Variants in KIF2A observed in about 807,000 individuals in gnomAD.
KIF2A encodes kinesin family member 2A.
KIF2A carries 22 observed loss-of-function variants against 100.2 expected under a neutral mutation model. The ratio of observed to expected loss-of-function variants is 0.22; its 90% CI spans 0.16 to 0.31. The LOEUF (loss-of-function observed/expected upper bound fraction) is 0.31, where lower values mean the gene tolerates loss of function less well. Among genes scored for constraint, KIF2A ranks in the 10% least tolerant of loss-of-function variants. The pLI is 1.00. For missense variants in KIF2A, 495 were observed against 898.7 expected (o/e 0.55, Z 5.74); for synonymous variants, 268 against 285.9 (o/e 0.94, Z 0.63).
At chr5:62,361,683 C>A (rs1319425347) in intron 11 of KIF2A, among the ~76,000 whole-genome samples, 154 bp downstream of exon 11, 2 of 150,980 alleles carry the variant, frequency 1.3e-5, no homozygotes, top group African/African-American at 4.9e-5. Flanking sequence ...TTGAAAAGAA[C>A]TATAAGATTA....
intron 1 of KIF2A, among the ~76,000 whole-genome samples, chr5:62,316,390 T>C (rs1309443191): frequency 2.0e-5 from 3 of 152,238 alleles, no homozygotes; most frequent in Admixed American, 2.0e-4. Flanking sequence ...TCTTTGCTCT[T>C]ACTTTTGGCC....
chr5:62,339,225 C>T (rs1426848989), intron 1 of KIF2A, among the ~76,000 whole-genome samples: 2 of 152,056 alleles, frequency 1.3e-5, no homozygotes, highest in Admixed American at 6.6e-5. Context: ...GGAGATGCCA[C>T]ACACTTTTAA....
Position 62,377,368 on chromosome 5 carries a change from A to C in KIF2A, c.1912-293A>C, listed in dbSNP as rs79555010. On this transcript the variant is annotated intron_variant, in intron 18 of 20. Transcript: ENST00000407818. ...GCCTGCAATAACTGTATTTTTGAAA[A>C]GTTGGGCTGTTCCAAAAGAGAGTAC... 6.7e-3 allele frequency among the ~76,000 whole-genome samples: 1,023 copies of C among 152,320 alleles called. 19 individuals carry two copies. Among genetic ancestry groups the C allele is most frequent in the African/African-American group, 0.024 (979 of 41,572 alleles).
intron 18 of KIF2A, among the ~76,000 whole-genome samples, chr5:62,375,055 G>T (rs1013801184): frequency 2.0e-5 from 3 of 152,076 alleles, no homozygotes; most frequent in East Asian, 3.8e-4. Context: ...TTGCTTTTCT[G>T]TATGATTAAA....
chr5:62,310,603 TC>T (rs1745512240), intron 1 of KIF2A, among the ~76,000 whole-genome samples: 3 of 150,882 alleles, frequency 2.0e-5, no homozygotes, highest in African/African-American at 7.5e-5. Context: ...GGCCTGTTAG[TC>T]AGGAACTACA....
At chr5:62,368,114 G>A (rs1741162877) in intron 16 of KIF2A, among the ~76,000 whole-genome samples, 1 of 152,064 alleles carries the variant, frequency 6.6e-6, no homozygotes, top group African/African-American at 2.4e-5. Context: ...AAAAACTCCT[G>A]TCATTGGTTT....
intron 1 of KIF2A, among the ~76,000 whole-genome samples, chr5:62,325,835 CAT>C (rs1746346683): frequency 6.6e-6 from 1 of 152,226 alleles, no homozygotes; most frequent in Admixed American, 6.5e-5. Flanking sequence ...GACCTGTACT[CAT>C]ATGTTCATTG....
rs61750333 is a variant in KIF2A at position 62,361,281 on chromosome 5, G to A, written c.912G>A (p.Arg304=). 6.2e-7 allele frequency: 1 copy of A among 1,608,280 alleles called. No homozygotes were observed. Among genetic ancestry groups the A allele is most frequent in the South Asian group, 1.1e-5 (1 of 90,050 alleles). The change falls in exon 10 of 21, where the codon AGG becomes AGA. Residue 304 remains arginine, a synonymous_variant. Coordinates refer to ENST00000407818, the MANE Select transcript of KIF2A (RefSeq NM_001098511.3). ...CACTAGTGGAAACTATATTTGAAAG[G>A]GGAATGGCTACATGCTTTGCTTATG... ...ARPLVETIFE[R]GMATCFAYGQ... is the part of the protein sequence containing the mutation.
At chr5:62,310,070 C>CTTTTTT (rs5868308) in intron 1 of KIF2A, among the ~76,000 whole-genome samples, 3 of 142,768 alleles carry the variant, frequency 2.1e-5, no homozygotes, top group East Asian at 2.1e-4. Context: ...ACTAATAATT[C>CTTTTTT]TTTTTTTTTT....
At chr5:62,343,966 T>C (rs1747424714) in intron 1 of KIF2A, among the ~76,000 whole-genome samples, 1 of 152,210 alleles carries the variant, frequency 6.6e-6, no homozygotes, top group Admixed American at 6.5e-5. Flanking sequence ...TAGTGATTAA[T>C]AGCAAGTACT....
At chr5:62,315,795 T>C (rs117137918) in intron 1 of KIF2A, among the ~76,000 whole-genome samples, 5 of 152,076 alleles carry the variant, frequency 3.3e-5, no homozygotes, top group African/African-American at 1.2e-4. Flanking sequence ...AGTGATAGAT[T>C]AGAGGGAGCA....
intron 1 of KIF2A, among the ~76,000 whole-genome samples, chr5:62,342,844 C>T (rs1192799351): frequency 6.6e-6 from 1 of 151,868 alleles, no homozygotes; most frequent in East Asian, 1.9e-4. Context: ...CCTCCACCTC[C>T]TGGGTTTAAG....
rs35699711 is a variant in KIF2A at position 62,350,043 on chromosome 5, A to G, written c.280-23A>G. The G allele has an allele frequency of 0.067, 101,849 of 1,531,432 alleles. 3,895 individuals carry two copies. The highest frequency in any genetic ancestry group is 0.12 in the East Asian group (5,166 of 43,678). 94.9% of individuals were successfully genotyped at this position (1,531,432 alleles called of 1,614,324 possible). On this transcript the variant is annotated intron_variant, in intron 3 of 20. Coordinates refer to ENST00000407818, the MANE Select transcript of KIF2A (RefSeq NM_001098511.3). ...TGAGGGAGTAAAGATAGAAAACATA[A>G]TGAACATTTTTTCCTTTCATAGAAT...
At chr5:62,309,780 C>A (rs1230615426) in intron 1 of KIF2A, among the ~76,000 whole-genome samples, 1 of 152,150 alleles carries the variant, frequency 6.6e-6, no homozygotes, top group East Asian at 1.9e-4. Flanking sequence ...ATAAACATAT[C>A]CCAAGGGCAA....
intron 1 of KIF2A, among the ~76,000 whole-genome samples, chr5:62,335,612 A>T (rs1051167030): frequency 6.6e-6 from 1 of 152,140 alleles, no homozygotes; most frequent in Non-Finnish European, 1.5e-5. Context: ...TGGGGATATA[A>T]ACGGGAACCT....
At chr5:62,308,065 A>G (rs1455410657) in intron 1 of KIF2A, among the ~76,000 whole-genome samples, 2 of 152,198 alleles carry the variant, frequency 1.3e-5, no homozygotes, top group African/African-American at 4.8e-5. Context: ...TGTGTGTATG[A>G]TATATTGGAA....
chr5:62,314,249 T>C (rs1745696033), intron 1 of KIF2A, among the ~76,000 whole-genome samples: 1 of 152,056 alleles, frequency 6.6e-6, no homozygotes, highest in African/African-American at 2.4e-5. Flanking sequence ...GGAGGATTGC[T>C]TGAAGCCAGG....
At chr5:62,348,799 A>G (rs1282300935) in intron 3 of KIF2A, among the ~76,000 whole-genome samples, 1 of 151,960 alleles carries the variant, frequency 6.6e-6, no homozygotes, top group African/African-American at 2.4e-5. Flanking sequence ...AAGTTGTTGA[A>G]TCTGCGGTTC....
chr5:62,352,250 A>G (rs1327517611), intron 4 of KIF2A, among the ~76,000 whole-genome samples: 1 of 151,980 alleles, frequency 6.6e-6, no homozygotes, highest in Non-Finnish European at 1.5e-5. Flanking sequence ...ATATACATAT[A>G]TATTTTGTTT....
Sources: allele counts gnomAD v4.1 joint callset (sites outside exome capture counted in the v4.1 genomes callset), GRCh38; gene constraint gnomAD v4.1.1; transcripts MANE v1.5; gene names NCBI Gene and HGNC (gene_info 2026-07-23, HGNC 2026-07-21).